Variants in TBL1XR1 observed in about 807,000 individuals in gnomAD.
TBL1XR1 encodes the protein TBL1X/Y related 1.
Under a neutral mutation model 66.9 loss-of-function variants are expected in TBL1XR1, and 5 were observed. The ratio of observed to expected loss-of-function variants is 0.07; its 90% confidence interval spans 0.04 to 0.16. The LOEUF is 0.16. Among genes scored for constraint, TBL1XR1 ranks in the 10% least tolerant of loss-of-function variants. The pLI is 1.00. For missense variants in TBL1XR1, 238 were observed against 623.2 expected, an observed-to-expected ratio of 0.38 and a Z score of 6.58; for synonymous variants, 210 against 206.0, an observed-to-expected ratio of 1.02 and a Z score of -0.17.
At chr3:177,026,282 G>GA (rs1380106564) in intron 15 of TBL1XR1, 91 bp downstream of exon 15, 14 of 1,043,362 alleles carry the variant, frequency 1.3e-5, no homozygotes, top group East Asian at 5.3e-5. Flanking sequence ...AATTTATTTT[G>GA]AAAAAAACAC....
intron 2 of TBL1XR1, among the ~76,000 whole-genome samples, chr3:177,096,477 G>GT: frequency 6.6e-6 from 1 of 152,106 alleles, no homozygotes; most frequent in Non-Finnish European, 1.5e-5. Flanking sequence ...GTCTATATGA[G>GT]TAACACATAA....
At chr3:177,093,412 C>T (rs1723074110) in intron 2 of TBL1XR1, among the ~76,000 whole-genome samples, 1 of 152,132 alleles carries the variant, frequency 6.6e-6, no homozygotes, top group Non-Finnish European at 1.5e-5. Flanking sequence ...AAGCAATCTA[C>T]AAATTCAGTG....
intron 1 of TBL1XR1, among the ~76,000 whole-genome samples, chr3:177,155,893 C>T (rs544130316): frequency 2.6e-5 from 4 of 151,514 alleles, no homozygotes; most frequent in African/African-American, 4.8e-5. Context: ...CCTGTAATCC[C>T]AGCTACTCGG....
intron 2 of TBL1XR1, among the ~76,000 whole-genome samples, chr3:177,092,084 T>C (rs1406145039): frequency 6.6e-6 from 1 of 152,188 alleles, no homozygotes; most frequent in Non-Finnish European, 1.5e-5. Flanking sequence ...GATTTTGAAA[T>C]ATCTGCAGTA....
rs1214316835 is a variant in TBL1XR1 at position 177,020,863 on chromosome 3, T to A, written c.*4635A>T. The A allele has an allele frequency of 6.6e-6, 1 of 152,126 alleles. No homozygotes were observed. Among genetic ancestry groups the A allele is most frequent in the African/African-American group, 2.4e-5 (1 of 41,442 alleles). 9.4% of individuals were successfully genotyped at this position (152,126 alleles called of 1,614,324 possible). On this transcript the variant is annotated 3_prime_UTR_variant, in exon 16 of 16. Coordinates refer to ENST00000457928, the MANE Select transcript of TBL1XR1 (RefSeq NM_024665.7). ...CTGCAACAACAACAACAACAAGAAA[T>A]GTGCCTAGAAAGGATAAAAGGGTCA...
intron 2 of TBL1XR1, among the ~76,000 whole-genome samples, chr3:177,081,552 C>G (rs1721390864): frequency 6.6e-6 from 1 of 151,794 alleles, no homozygotes; most frequent in African/African-American, 2.4e-5. Context: ...GAGTTCTACA[C>G]CAGCCTGGGC....
At chr3:177,162,801 TACAAAAAG>T (rs1560247155) in intron 1 of TBL1XR1, among the ~76,000 whole-genome samples, 2 of 152,124 alleles carry the variant, frequency 1.3e-5, no homozygotes, top group Non-Finnish European at 2.9e-5. Context: ...GACTTAAATA[TACAAAAAG>T]ATGCTCGATC....
At chr3:177,083,593 C>T (rs1429445290) in intron 2 of TBL1XR1, among the ~76,000 whole-genome samples, 1 of 152,112 alleles carries the variant, frequency 6.6e-6, no homozygotes, top group Non-Finnish European at 1.5e-5. Context: ...TTTATCTTAA[C>T]ATTTTACTAT....
chr3:177,075,440 C>CT (rs1314810434), intron 2 of TBL1XR1, among the ~76,000 whole-genome samples: 9 of 152,318 alleles, frequency 5.9e-5, no homozygotes, highest in African/African-American at 1.9e-4. Flanking sequence ...TTCACAGGTA[C>CT]TGGGAGTTGG....
chr3:177,115,139 G>A (rs73187544), intron 1 of TBL1XR1, among the ~76,000 whole-genome samples: 10,392 of 152,194 alleles, frequency 0.068, 521 homozygotes, highest in Admixed American at 0.17. Flanking sequence ...CCAGAGTACA[G>A]TGTAATGCCA....
rs1307344248 is a variant in TBL1XR1 at position 177,023,777 on chromosome 3, CAGGTTAAAATTTTAGTACTAAA to C, written c.*1699_*1720del. 6.6e-6 allele frequency: 1 copy of C among 152,380 alleles called. No individual in the cohort carries two copies. The highest frequency in any genetic ancestry group is 2.4e-5 in the African/African-American group (1 of 41,410). 9.4% of individuals were successfully genotyped at this position (152,380 alleles called of 1,614,324 possible). A position where few individuals can be genotyped will look rare whatever the true frequency, so the allele number is the denominator to read the frequency against. On this transcript the variant is annotated 3_prime_UTR_variant, in exon 16 of 16. Transcript: ENST00000457928. ...GTTAAATCAGTTTCTACTTAGAACA[CAGGTTAAAATTTTAGTACTAAA>C]AGGCCTCAAAATAATTAGTGACAGA...
intron 1 of TBL1XR1, among the ~76,000 whole-genome samples, chr3:177,182,516 C>T (rs1013170856): frequency 6.6e-6 from 1 of 152,198 alleles, no homozygotes; most frequent in Non-Finnish European, 1.5e-5. Flanking sequence ...GTCTACTGTA[C>T]TAGCAAACGT....
intron 3 of TBL1XR1, among the ~76,000 whole-genome samples, chr3:177,054,903 A>G (rs1224759868): frequency 6.6e-6 from 1 of 152,182 alleles, no homozygotes; most frequent in Non-Finnish European, 1.5e-5. Flanking sequence ...CTTTTTATTA[A>G]TATCTAGTCA....
chr3:177,145,910 G>GA (rs1201460158), intron 1 of TBL1XR1, among the ~76,000 whole-genome samples: 4 of 152,166 alleles, frequency 2.6e-5, no homozygotes, highest in Admixed American at 1.3e-4. Flanking sequence ...TTTTTATCAG[G>GA]AAGTCTGATG....
At chr3:177,146,463 T>C (rs1213449694) in intron 1 of TBL1XR1, among the ~76,000 whole-genome samples, 1 of 151,374 alleles carries the variant, frequency 6.6e-6, no homozygotes, top group Non-Finnish European at 1.5e-5. Flanking sequence ...ATTTTTTGTA[T>C]TTTTAGTAGA....
intron 1 of TBL1XR1, among the ~76,000 whole-genome samples, chr3:177,111,498 C>G (rs1725560339): frequency 6.6e-6 from 1 of 152,044 alleles, no homozygotes; most frequent in Non-Finnish European, 1.5e-5. Flanking sequence ...CTGGGTTTCA[C>G]CATGCTGGCC....
At chr3:177,142,363 A>G (rs1729733790) in intron 1 of TBL1XR1, among the ~76,000 whole-genome samples, 1 of 152,204 alleles carries the variant, frequency 6.6e-6, no homozygotes, top group African/African-American at 2.4e-5. Flanking sequence ...TCTTAATTAC[A>G]CGCAAACTAA....
intron 1 of TBL1XR1, among the ~76,000 whole-genome samples, chr3:177,169,569 T>TA (rs1577370823): frequency 6.6e-6 from 1 of 152,220 alleles, no homozygotes; most frequent in African/African-American, 2.4e-5. Flanking sequence ...GCAATGCTAC[T>TA]ACAAAACCAC....
chr3:177,036,446 G>C (rs750623402), intron 12 of TBL1XR1, among the ~76,000 whole-genome samples: 29 of 152,124 alleles, frequency 1.9e-4, no homozygotes, highest in Non-Finnish European at 2.8e-4. Flanking sequence ...AAAATCCTTT[G>C]TGACATTTAA....
Sources: allele counts gnomAD v4.1 joint callset (sites outside exome capture counted in the v4.1 genomes callset), GRCh38; gene constraint gnomAD v4.1.1; transcripts MANE v1.5; gene names NCBI Gene and HGNC (gene_info 2026-07-23, HGNC 2026-07-21).